Variants in SORBS2 observed in about 807,000 individuals in gnomAD.
SORBS2 encodes sorbin and SH3 domain containing 2, also known as sorbin and SH3 domain-containing protein 2.
In SORBS2, 46 loss-of-function variants were observed where a neutral mutation model predicts 97.7. The ratio of observed to expected loss-of-function variants is 0.47; its 90% CI spans 0.37 to 0.60. The LOEUF is 0.60. Among genes scored for constraint, SORBS2 ranks in the 20% least tolerant of loss-of-function variants. The pLI, the probability that SORBS2 is intolerant of heterozygous loss-of-function variation, is 0.00. For synonymous variants in SORBS2, 476 were observed against 473.4 expected, an observed-to-expected ratio of 1.01 and a Z score of -0.07; for missense variants, 1,316 against 1,282.3, an observed-to-expected ratio of 1.03 and a Z score of -0.40.
At chr4:185,951,349 G>A (rs964404253) in intron 1 of SORBS2, among the ~76,000 whole-genome samples, 1 of 152,146 alleles carries the variant, frequency 6.6e-6, no homozygotes, top group African/African-American at 2.4e-5. Flanking sequence ...CTGATGACTA[G>A]CGTGGGATCC....
chr4:185,648,136 T>C (rs983525114), intron 3 of SORBS2, among the ~76,000 whole-genome samples: 1 of 152,012 alleles, frequency 6.6e-6, no homozygotes, highest in African/African-American at 2.4e-5. Context: ...TTTGTTTTTT[T>C]TTTTTAGTGA....
intron 1 of SORBS2, among the ~76,000 whole-genome samples, chr4:185,924,029 C>T (rs1488430104): frequency 6.6e-6 from 1 of 152,202 alleles, no homozygotes; most frequent in Non-Finnish European, 1.5e-5. Flanking sequence ...CTGTTTTGCT[C>T]TTTATCTCCA....
rs534021975 is a variant in SORBS2, at chr4:185,656,663, G to A, written c.-25C>T. 5.8e-6 allele frequency: 9 copies of A among 1,550,762 alleles called. No homozygotes were observed. In the African/African-American group the frequency reaches 1.1e-4, roughly 19 times the overall value. ...TCCTGTCCCCGGCTTCCTTCTCCCG[G>A]CTGGCACAAGCCTTCTCTTCCAGTG... is the stretch of plus-strand genomic sequence containing the variant. On this transcript the variant is annotated 5_prime_UTR_variant, in exon 1 of 15. Transcript: ENST00000418609.
chr4:185,861,798 G>T (rs1470801265), intron 1 of SORBS2, among the ~76,000 whole-genome samples: 1 of 151,910 alleles, frequency 6.6e-6, no homozygotes, highest in Non-Finnish European at 1.5e-5. Flanking sequence ...CAGAAATGGG[G>T]TTTTTGGCCA....
intron 2 of SORBS2, among the ~76,000 whole-genome samples, chr4:185,688,557 A>C (rs2098025052): frequency 6.6e-6 from 1 of 152,144 alleles, no homozygotes; most frequent in Admixed American, 6.5e-5. Context: ...AAGAGCTAGA[A>C]GCTATTTTGG....
intron 12 of SORBS2, among the ~76,000 whole-genome samples, chr4:185,602,512 AG>A (rs994757251): frequency 3.9e-5 from 6 of 152,242 alleles, no homozygotes; most frequent in African/African-American, 1.4e-4. Flanking sequence ...TCATTGTCTT[AG>A]AAAACACTTT....
chr4:185,779,664 G>A (rs1305887311), intron 1 of SORBS2, among the ~76,000 whole-genome samples: 3 of 152,210 alleles, frequency 2.0e-5, no homozygotes, highest in Non-Finnish European at 4.4e-5. Flanking sequence ...TTTCCCATGA[G>A]TATTGTTTTC....
At chr4:185,656,595 C>T (rs1307148590) in intron 1 of SORBS2, 47 of 1,526,232 alleles carry the variant, frequency 3.1e-5, no homozygotes, top group South Asian at 1.2e-4. Context: ...AGTCCCTCCC[C>T]GCATGGCCCC....
Position 185,831,176 on chromosome 4 carries a change from T to A in SORBS2, c.-337-55810A>T, listed in dbSNP as rs117095337. Among the ~76,000 whole-genome samples the A allele has an allele frequency of 3.9e-4, 59 of 152,296 alleles. No homozygotes were observed. In the East Asian group the frequency reaches 0.011, roughly 28 times the overall value. On this transcript the variant is annotated intron_variant, in intron 1 of 20. Coordinates refer to the SORBS2 transcript ENST00000284776. The stretch of plus-strand genomic sequence containing the variant: ...GTCATCTAGAACTGGGATGATTTAG[T>A]CATTAAAAATAATTAGACAGCAAAA...
intron 4 of SORBS2, among the ~76,000 whole-genome samples, chr4:185,636,377 C>A (rs1466849864): frequency 6.6e-6 from 1 of 152,150 alleles, no homozygotes; most frequent in East Asian, 1.9e-4. Context: ...TACCTTGAGT[C>A]TAACCAAGTC....
At chr4:185,788,439 C>G (rs1446305829) in intron 1 of SORBS2, among the ~76,000 whole-genome samples, 1 of 152,158 alleles carries the variant, frequency 6.6e-6, no homozygotes, top group Non-Finnish European at 1.5e-5. Context: ...GCCAGACACT[C>G]AAGTACGGCA....
chr4:185,864,703 G>A (rs895439156), intron 1 of SORBS2, among the ~76,000 whole-genome samples: 1 of 152,104 alleles, frequency 6.6e-6, no homozygotes, highest in African/African-American at 2.4e-5. Context: ...TTGAGGTCAG[G>A]AGTTCGAGAC....
intron 12 of SORBS2, among the ~76,000 whole-genome samples, chr4:185,600,587 C>T (rs1169267213): frequency 1.3e-5 from 2 of 152,184 alleles, no homozygotes; most frequent in Non-Finnish European, 1.5e-5. Context: ...GATCTGCCTG[C>T]CTCGGGCTCC....
chr4:185,812,773 C>T (rs532652275), intron 1 of SORBS2, among the ~76,000 whole-genome samples: 4 of 152,256 alleles, frequency 2.6e-5, no homozygotes, highest in African/African-American at 9.6e-5. Flanking sequence ...TTACTTATGG[C>T]TCAACTTATC....
chr4:185,886,603 C>T (rs543782327), intron 1 of SORBS2, among the ~76,000 whole-genome samples: 148 of 126,208 alleles, frequency 1.2e-3, no homozygotes, highest in African/African-American at 4.3e-3. Context: ...AAGAAAACAA[C>T]GTGGCCTGTG....
chr4:185,753,354 TA>T (rs2098812648), intron 2 of SORBS2, among the ~76,000 whole-genome samples: 2 of 152,230 alleles, frequency 1.3e-5, no homozygotes, highest in Non-Finnish European at 2.9e-5. Flanking sequence ...CTGGGAGAAT[TA>T]GAAATTGCAT....
intron 2 of SORBS2, among the ~76,000 whole-genome samples, chr4:185,717,913 C>A (rs1016428987): frequency 1.3e-5 from 2 of 152,212 alleles, no homozygotes; most frequent in African/African-American, 4.8e-5. Context: ...TTACAGTAAG[C>A]ACTTGATAGG....
chr4:185,752,001 G>A (rs990830512), intron 2 of SORBS2, among the ~76,000 whole-genome samples: 2 of 152,124 alleles, frequency 1.3e-5, no homozygotes, highest in African/African-American at 2.4e-5. Flanking sequence ...AACTGCCATC[G>A]TGTGGGTAGA....
intron 1 of SORBS2, among the ~76,000 whole-genome samples, chr4:185,898,002 A>G (rs980154779): frequency 6.6e-6 from 1 of 152,190 alleles, no homozygotes; most frequent in Admixed American, 6.5e-5. Context: ...ATGCCACTGC[A>G]CTCTAGCCTG....
Sources: allele counts gnomAD v4.1 joint callset (sites outside exome capture counted in the v4.1 genomes callset), GRCh38; gene constraint gnomAD v4.1.1; transcripts MANE v1.5; gene names NCBI Gene and HGNC (gene_info 2026-07-23, HGNC 2026-07-21).